The following TMEM9 variants were observed in gnomAD, a reference collection of about 807,000 sequenced individuals.
TMEM9 encodes proton-transporting V-type ATPase complex assembly regulator TMEM9.
A neutral mutation model predicts 22.8 loss-of-function variants in TMEM9; 13 were observed. The ratio of observed to expected loss-of-function variants is 0.57; its 90% CI spans 0.37 to 0.91. The LOEUF (loss-of-function observed/expected upper bound fraction) is 0.91. TMEM9 is among the 40% of genes least tolerant of loss of function. The pLI is 0.01. For synonymous variants in TMEM9, 88 were observed against 93.0 expected, an observed-to-expected ratio of 0.95 and a Z score of 0.31; for missense variants, 182 against 238.1, an observed-to-expected ratio of 0.76 and a Z score of 1.55.
chr1:201,151,312 T>C (rs1665409237), intron 2 of TMEM9, among the ~76,000 whole-genome samples: 1 of 152,236 alleles, frequency 6.6e-6, no homozygotes, highest in African/African-American at 2.4e-5. Flanking sequence ...AAATTATTTC[T>C]TTGGGCCTCT....
rs115631873 is a variant in TMEM9, at chr1:201,168,775, G to A, written c.-37+2715C>T. Among the ~76,000 whole-genome samples the A allele has an allele frequency of 1.1e-3, 148 of 130,336 alleles. 1 individual carries two copies. The highest frequency in any genetic ancestry group is 3.7e-3 in the African/African-American group (124 of 33,776). 85.5% of individuals were successfully genotyped at this position (130,336 alleles called of 152,430 possible). On this transcript the variant is annotated intron_variant, in intron 1 of 5. Coordinates refer to the TMEM9 transcript ENST00000367333. ...TGTCCTGGTAAACAATCCTGGGGCAGGGGGCATTATTTTTATTTTTATTTA... is the reference window on the plus strand; with the variant it reads ...TGTCCTGGTAAACAATCCTGGGGCAAGGGGCATTATTTTTATTTTTATTTA...
At chr1:201,165,871 A>T (rs1666061573) in intron 1 of TMEM9, among the ~76,000 whole-genome samples, 1 of 152,228 alleles carries the variant, frequency 6.6e-6, no homozygotes, top group Non-Finnish European at 1.5e-5. Context: ...TAGGGAAAAG[A>T]AGTTAGACTG....
upstream of TMEM9, among the ~76,000 whole-genome samples, chr1:201,154,694 C>T (rs1665725157): frequency 6.6e-6 from 1 of 152,186 alleles, no homozygotes; most frequent in Admixed American, 6.5e-5. Context: ...CTGAGAACTC[C>T]CACTGCGGTG....
intron 1 of TMEM9, among the ~76,000 whole-genome samples, chr1:201,165,975 C>T (rs999395593): frequency 4.6e-5 from 7 of 152,170 alleles, no homozygotes; most frequent in African/African-American, 1.7e-4. Flanking sequence ...GTGCAAATAT[C>T]TCACAATCTT....
intron 3 of TMEM9, chr1:201,146,499 C>G (rs182967330): frequency 1.7e-6 from 1 of 605,648 alleles, no homozygotes; most frequent in Admixed American, 2.5e-5. Flanking sequence ...TCTCCAGCAG[C>G]TCTCCCAGGG....
intron 2 of TMEM9, among the ~76,000 whole-genome samples, chr1:201,148,887 C>T (rs571148254): frequency 2.6e-4 from 39 of 152,366 alleles, no homozygotes; most frequent in East Asian, 1.9e-4. Context: ...ATGCTGCTTC[C>T]GCTGGGAGCA....
intron 1 of TMEM9, among the ~76,000 whole-genome samples, chr1:201,152,162 G>GTA (rs1665481052): frequency 4.5e-5 from 1 of 22,140 alleles, no homozygotes; most frequent in South Asian, 1.6e-3. Context: ...GGGGAAATGG[G>GTA]TGTGTGTGTG....
At position 201,136,159 on chromosome 1, in the gene TMEM9, C is replaced by T. The variant is rs1258763958; in HGVS notation, c.400-344G>A. Among the ~76,000 whole-genome samples the T allele has an allele frequency of 2.0e-5, 3 of 152,296 alleles. No homozygotes were observed. The East Asian group carries it at 5.8e-4, about 30-fold the overall frequency. ...CTCAAGGGAGGTTCCCAGCCTGAACCCACCCCTCACCATGCCCCATTCCAC... is the reference window on the plus strand; with the variant it reads ...CTCAAGGGAGGTTCCCAGCCTGAACTCACCCCTCACCATGCCCCATTCCAC... On this transcript the variant is annotated intron_variant, in intron 4 of 4. Transcript: ENST00000367330.
intron 1 of TMEM9, among the ~76,000 whole-genome samples, chr1:201,159,921 C>T (rs1313800630): frequency 6.6e-6 from 1 of 152,204 alleles, no homozygotes; most frequent in East Asian, 1.9e-4. Flanking sequence ...CTGATGTGTA[C>T]AGTCCTGGGT....
At chr1:201,143,781 T>C in intron 4 of TMEM9, 39 bp downstream of exon 4, 1 of 1,610,332 alleles carries the variant, frequency 6.2e-7, no homozygotes, top group Non-Finnish European at 8.5e-7. Flanking sequence ...GGGACGCACA[T>C]GCAGGGACCC....
At chr1:201,135,944 C>T in intron 4 of TMEM9, 129 bp from the exon 5 acceptor site, 1 of 935,860 alleles carries the variant, frequency 1.1e-6, no homozygotes, top group Non-Finnish European at 1.5e-6. Context: ...CTGGGCCTCC[C>T]CAAGTGCTGC....
At chr1:201,152,844 A>C (rs969030927) in intron 1 of TMEM9, among the ~76,000 whole-genome samples, 1 of 152,250 alleles carries the variant, frequency 6.6e-6, no homozygotes, top group African/African-American at 2.4e-5. Context: ...GAAAGACTAT[A>C]GCAGAGCGCA....
upstream of TMEM9, among the ~76,000 whole-genome samples, chr1:201,155,282 C>T (rs3753967): frequency 0.41 from 57,074 of 139,574 alleles, 11,549 homozygotes; most frequent in Admixed American, 0.49. Flanking sequence ...TAAAATGATT[C>T]GGTTGGATTC....
At position 201,135,605 on chromosome 1, in the gene TMEM9, C is replaced by G. The variant is rs1384589800; in HGVS notation, c.*58G>C. 1.3e-6 allele frequency: 2 copies of G among 1,481,612 alleles called. No homozygotes were observed. Among genetic ancestry groups the G allele is most frequent in the African/African-American group, 2.9e-5 (2 of 70,082 alleles). The allele number at this position is 1,481,612 out of a possible 1,614,324, so 91.8% of individuals were successfully genotyped here. ...AGGGAGAAGTAGCCCCCTGCTTTGT[C>G]CAGCCTGGAAGCTGGCAGCCATGGT... On this transcript the variant is annotated 3_prime_UTR_variant, in exon 5 of 5. Transcript: ENST00000367330.
intron 1 of TMEM9, among the ~76,000 whole-genome samples, chr1:201,162,784 A>C (rs918757890): frequency 4.6e-5 from 7 of 152,226 alleles, no homozygotes; most frequent in African/African-American, 1.7e-4. Flanking sequence ...GACCCTGTTA[A>C]GAGACGAGAA....
intron 1 of TMEM9, among the ~76,000 whole-genome samples, chr1:201,166,091 G>C (rs1300715462): frequency 1.3e-5 from 2 of 152,084 alleles, no homozygotes; most frequent in Non-Finnish European, 2.9e-5. Context: ...CCAGCACACA[G>C]CACAGGCACC....
intron 1 of TMEM9, among the ~76,000 whole-genome samples, chr1:201,168,803 T>TATTA (rs1233472388): frequency 0.028 from 4,198 of 151,286 alleles, 185 homozygotes; most frequent in African/African-American, 0.097. Context: ...TTTATTTACT[T>TATTA]ATTTTCTAGA....
chr1:201,136,913 T>C (rs1664043728), intron 4 of TMEM9, among the ~76,000 whole-genome samples: 1 of 152,376 alleles, frequency 6.6e-6, no homozygotes, highest in East Asian at 1.9e-4. Context: ...GCACGGCTTC[T>C]GTCACCATGC....
rs8158 is a variant in TMEM9, at chr1:201,143,853, A to G, written c.366T>C (p.Tyr122=). 1,219,346 of 1,613,680 alleles carry G rather than the reference A, an allele frequency of 0.76. 462,034 individuals carry two copies. Among genetic ancestry groups the G allele is most frequent in the Non-Finnish European group, 0.77 (904,063 of 1,179,784 alleles). Residue 122 remains tyrosine, a synonymous_variant, in exon 4 of 5, where the codon TAT becomes TAC. Coordinates refer to ENST00000367330, the MANE Select transcript of TMEM9 (RefSeq NM_001288565.2). ...CCTCCTCATTGTGCAGTTGCTCAGTATATGCATCCGGCTTTCGGATCAGAG... is the reference window on the plus strand; with the variant it reads ...CCTCCTCATTGTGCAGTTGCTCAGTGTATGCATCCGGCTTTCGGATCAGAG... ...VDPLIRKPDA[Y]TEQLHNEEEN...
Sources: gnomAD v4.1 joint callset for allele counts (sites outside exome capture counted in the v4.1 genomes callset) on GRCh38, gnomAD v4.1.1 for gene constraint, MANE v1.5 for transcripts, NCBI Gene and HGNC (gene_info 2026-07-23, HGNC 2026-07-21) for gene names.